Variants in COL11A1 observed in about 807,000 individuals in gnomAD.
COL11A1 encodes collagen type XI alpha 1 chain, also known as collagen alpha-1(XI) chain.
Under a neutral mutation model 265.2 loss-of-function variants are expected in COL11A1, and 74 were observed. The ratio of observed to expected loss-of-function variants is 0.28; its 90% confidence interval spans 0.23 to 0.34. The LOEUF is 0.34. Among genes scored for constraint, COL11A1 ranks in the 10% least tolerant of loss-of-function variants. The pLI is 1.00. For missense variants in COL11A1, 2,165 were observed against 2,263.6 expected, an observed-to-expected ratio of 0.96 and a Z score of 0.88; for synonymous variants, 816 against 727.6, an observed-to-expected ratio of 1.12 and a Z score of -1.96.
At chr1:103,096,680 A>G (rs1433213786) in intron 1 of COL11A1, among the ~76,000 whole-genome samples, 1 of 152,018 alleles carries the variant, frequency 6.6e-6, no homozygotes, top group Non-Finnish European at 1.5e-5. Context: ...TTAAAATTCT[A>G]TTTGAATAAT....
chr1:103,060,037 C>A (rs146111188), intron 4 of COL11A1, among the ~76,000 whole-genome samples: 14 of 151,814 alleles, frequency 9.2e-5, no homozygotes, highest in African/African-American at 3.1e-4. Context: ...AAATATCAGA[C>A]CAAAAATCTG....
At chr1:102,878,835 C>A (rs1300099888) in intron 66 of COL11A1, among the ~76,000 whole-genome samples, 1 of 151,852 alleles carries the variant, frequency 6.6e-6, no homozygotes, top group Non-Finnish European at 1.5e-5. Flanking sequence ...TACATCTTTA[C>A]CATTATAGTT....
At chr1:102,954,672 C>A (rs1660194387) in intron 41 of COL11A1, among the ~76,000 whole-genome samples, 1 of 152,006 alleles carries the variant, frequency 6.6e-6, no homozygotes, top group African/African-American at 2.4e-5. Flanking sequence ...TAGTGAAACC[C>A]CGTTTCTACG....
In COL11A1 at chr1:103,086,859, CATTA is replaced by C. The variant is rs143048341; in HGVS notation, c.107-3891_107-3888del. On this transcript the variant is annotated intron_variant, in intron 1 of 66. Transcript: ENST00000370096. ...TTCAAGTTACAAAAAAGTAAAACTC[CATTA>C]ATTAAGTCCTTAAGTTTATTTTATT... 8.9e-4 allele frequency among the ~76,000 whole-genome samples: 135 copies of C among 151,986 alleles called. No individual in the cohort carries two copies. The East Asian group carries it at 0.015, about 17-fold the overall frequency.
At chr1:103,042,187 G>C (rs547941944) in intron 4 of COL11A1, among the ~76,000 whole-genome samples, 1 of 151,884 alleles carries the variant, frequency 6.6e-6, no homozygotes, top group African/African-American at 2.4e-5. Flanking sequence ...GTATCATGCC[G>C]ACACTATGAA....
chr1:103,072,965 T>G (rs1297499497), intron 4 of COL11A1, among the ~76,000 whole-genome samples: 1 of 151,814 alleles, frequency 6.6e-6, no homozygotes, highest in African/African-American at 2.4e-5. Context: ...AGTAAGTTCT[T>G]TATTCATTAA....
chr1:102,983,014 C>T (rs533253522), intron 31 of COL11A1, among the ~76,000 whole-genome samples: 5 of 152,124 alleles, frequency 3.3e-5, no homozygotes, highest in Admixed American at 6.6e-5. Context: ...GAAACTATCC[C>T]GCACTTCTCT....
At chr1:102,917,866 A>G (rs866368850) in intron 49 of COL11A1, among the ~76,000 whole-genome samples, 6 of 151,706 alleles carry the variant, frequency 4.0e-5, no homozygotes, top group African/African-American at 1.2e-4. Flanking sequence ...ACAAAGTTTC[A>G]TTTTTAGAAT....
chr1:102,978,677 A>T (rs775137269), intron 35 of COL11A1, 31 bp downstream of exon 35: 15 of 1,609,858 alleles, frequency 9.3e-6, no homozygotes, highest in Non-Finnish European at 1.2e-5. Flanking sequence ...ACTAATTTTC[A>T]TTTTATATTA....
At chr1:103,019,468 T>C (rs1023979052) in intron 9 of COL11A1, among the ~76,000 whole-genome samples, 2 of 152,198 alleles carry the variant, frequency 1.3e-5, no homozygotes, top group Non-Finnish European at 2.9e-5. Flanking sequence ...TAAAACTTTT[T>C]ATAATAAGGA....
At chr1:102,909,062 A>C in intron 54 of COL11A1, among the ~76,000 whole-genome samples, 1 of 152,150 alleles carries the variant, frequency 6.6e-6, no homozygotes, top group East Asian at 1.9e-4. Flanking sequence ...CTCCCCTCCA[A>C]ACCTCATGTT....
intron 35 of COL11A1, among the ~76,000 whole-genome samples, chr1:102,977,890 TTTGCTCA>T (rs1198453615): frequency 6.6e-6 from 1 of 152,098 alleles, no homozygotes; most frequent in Non-Finnish European, 1.5e-5. Flanking sequence ...AAACTCAAGT[TTTGCTCA>T]TTGCTCCTAC....
chr1:102,937,504 G>T (rs948149587), intron 44 of COL11A1, among the ~76,000 whole-genome samples: 10 of 152,158 alleles, frequency 6.6e-5, no homozygotes, highest in Non-Finnish European at 1.2e-4. Flanking sequence ...GGGCCTAAAT[G>T]GAGGTGTTTT....
intron 22 of COL11A1, 43 bp downstream of exon 22, chr1:103,002,704 T>C: frequency 6.4e-7 from 1 of 1,553,940 alleles, no homozygotes. Flanking sequence ...TTCTTAGGGC[T>C]TATATTCAAA....
chr1:103,067,813 C>T (rs1471705194), intron 4 of COL11A1, among the ~76,000 whole-genome samples: 2 of 151,474 alleles, frequency 1.3e-5, no homozygotes, highest in South Asian at 2.1e-4. Flanking sequence ...TGAAATGCTA[C>T]AAACAGCTTT....
chr1:103,091,773 G>A (rs910499981), intron 1 of COL11A1, among the ~76,000 whole-genome samples: 3 of 151,978 alleles, frequency 2.0e-5, no homozygotes, highest in Admixed American at 1.3e-4. Flanking sequence ...AATGGCTTAA[G>A]ATTTTGATAG....
intron 38 of COL11A1, 114 bp downstream of exon 38, chr1:102,965,372 TA>T: frequency 3.7e-6 from 4 of 1,075,744 alleles, no homozygotes; most frequent in South Asian, 2.7e-5. Context: ...CAATCTGAAA[TA>T]AAAAATACAT....
chr1:103,015,051 C>G (rs1487978196), intron 12 of COL11A1, among the ~76,000 whole-genome samples: 1 of 151,818 alleles, frequency 6.6e-6, no homozygotes, highest in Non-Finnish European at 1.5e-5. Context: ...TTTTGTTCAC[C>G]CATTCTTAAG....
chr1:102,962,133 CA>C (rs1660968323), intron 40 of COL11A1, 42 bp downstream of exon 40: 2 of 1,484,040 alleles, frequency 1.3e-6, no homozygotes, highest in South Asian at 2.3e-5. Context: ...TTCTAATAAA[CA>C]ATTGGAATCA....
Sources: allele counts gnomAD v4.1 joint callset (sites outside exome capture counted in the v4.1 genomes callset), GRCh38; gene constraint gnomAD v4.1.1; transcripts MANE v1.5; gene names NCBI Gene and HGNC (gene_info 2026-07-23, HGNC 2026-07-21).